Variants in KIDINS220 observed in about 807,000 individuals in gnomAD.
KIDINS220 encodes the protein kinase D interacting substrate 220, also known as kinase D-interacting substrate of 220 kDa.
Under a neutral mutation model 157.6 loss-of-function variants are expected in KIDINS220, and 63 were observed. The observed-to-expected ratio is 0.40, with a 90% CI of 0.33 to 0.49. KIDINS220 has a LOEUF of 0.49. KIDINS220 is among the 20% of genes least tolerant of loss of function. KIDINS220 has a pLI of 0.66. For missense variants in KIDINS220, 1,772 were observed against 2,171.2 expected (o/e 0.82, Z 3.65); for synonymous variants, 732 against 783.6 (o/e 0.93, Z 1.10).
chr2:8,820,085 A>G, intron 2 of KIDINS220, among the ~76,000 whole-genome samples: 1 of 152,142 alleles, frequency 6.6e-6, no homozygotes. Context: ...CTGGATAAGA[A>G]CCGACATCCT....
At chr2:8,751,290 A>C (rs1304323227) in intron 23 of KIDINS220, among the ~76,000 whole-genome samples, 176 bp downstream of exon 23, 1 of 150,608 alleles carries the variant, frequency 6.6e-6, no homozygotes. Context: ...TTTTCTTAAC[A>C]TTCTCAAAAG....
intron 5 of KIDINS220, among the ~76,000 whole-genome samples, 184 bp downstream of exon 5, chr2:8,813,053 A>G (rs1016082409): frequency 6.6e-6 from 1 of 152,234 alleles, no homozygotes; most frequent in Non-Finnish European, 1.5e-5. Flanking sequence ...GCTGACAACA[A>G]TTGAGAAATA....
In KIDINS220 at chr2:8,779,137, G is replaced by A; in HGVS notation, c.2373C>T (p.Val791=). Residue 791 remains valine (V), a splice_region_variant and synonymous_variant, in exon 19 of 30, where the codon GTC becomes GTT. Coordinates refer to ENST00000256707, the MANE Select transcript of KIDINS220 (RefSeq NM_020738.4). The part of the protein sequence containing the change: ...QDKVLQMLDT[V]RVLFSKGPFI... ...ACGGGCCTTTTGAAAACAGAACTCG[G>A]ACCTGTGGCAGAAGAAATGTACAGT... is the stretch of plus-strand genomic sequence containing the variant. 2 of 1,612,250 alleles carry A rather than the reference G, an allele frequency of 1.2e-6. No individual in the cohort carries two copies. The highest frequency in any genetic ancestry group is 8.5e-7 in the Non-Finnish European group (1 of 1,179,812).
rs761066591 is a variant in KIDINS220, at chr2:8,733,597, C to T, written c.3900G>A (p.Pro1300=). Residue 1300 remains proline (P), a synonymous_variant, in exon 29 of 30, where the codon CCG becomes CCA. Coordinates refer to ENST00000256707, the MANE Select transcript of KIDINS220 (RefSeq NM_020738.4). The part of the protein sequence containing the change: ...FLSESSSGPA[P]HGEPARRASH... ...AAGCGCGGCGAGCAGGCTCACCGTGCGGGGCTGGGCCACTGCTGCTCTCAC... is the reference window on the plus strand; with the variant it reads ...AAGCGCGGCGAGCAGGCTCACCGTGTGGGGCTGGGCCACTGCTGCTCTCAC... 5.6e-6 allele frequency: 9 copies of T among 1,613,820 alleles called. No homozygotes were observed. In the East Asian group the frequency reaches 8.9e-5, roughly 16 times the overall value.
At chr2:8,787,084 C>G (rs1232229513) in intron 15 of KIDINS220, among the ~76,000 whole-genome samples, 1 of 151,440 alleles carries the variant, frequency 6.6e-6, no homozygotes, top group Admixed American at 6.6e-5. Context: ...CTTGACGATG[C>G]TACTTTAATT....
intron 18 of KIDINS220, 75 bp downstream of exon 18, chr2:8,779,599 G>A: frequency 6.8e-7 from 1 of 1,468,260 alleles, no homozygotes; most frequent in Non-Finnish European, 9.2e-7. Context: ...TCTATTTTTA[G>A]ATATTTGTGA....
intron 22 of KIDINS220, among the ~76,000 whole-genome samples, chr2:8,760,923 G>A (rs1473849360): frequency 6.6e-6 from 1 of 152,088 alleles, no homozygotes; most frequent in African/African-American, 2.4e-5. Context: ...AGTAATTCAG[G>A]TGACAAAGCA....
intron 4 of KIDINS220, among the ~76,000 whole-genome samples, chr2:8,813,779 C>G (rs1676664290): frequency 6.6e-6 from 1 of 152,096 alleles, no homozygotes; most frequent in Non-Finnish European, 1.5e-5. Context: ...CAAAAATTAG[C>G]CAGGCATGGT....
chr2:8,781,153 A>ATATAATATATATATAT (rs70946383), intron 17 of KIDINS220, among the ~76,000 whole-genome samples: 1 of 130,410 alleles, frequency 7.7e-6, no homozygotes, highest in African/African-American at 2.8e-5. Flanking sequence ...ATATATATAT[A>ATATAATATATATATAT]ATATATATAT....
intron 11 of KIDINS220, among the ~76,000 whole-genome samples, chr2:8,796,512 T>A (rs1673946553): frequency 6.6e-6 from 1 of 152,152 alleles, no homozygotes; most frequent in Non-Finnish European, 1.5e-5. Flanking sequence ...AGCCTCCTCC[T>A]GATGTGGTAG....
chr2:8,831,129 C>G (rs887092538), intron 1 of KIDINS220, among the ~76,000 whole-genome samples: 2 of 152,228 alleles, frequency 1.3e-5, no homozygotes, highest in African/African-American at 4.8e-5. Context: ...AAGGAACTTA[C>G]GCCTTCTAAG....
At position 8,806,293 on chromosome 2, in the gene KIDINS220, G is replaced by A; in HGVS notation, c.581C>T (p.Ala194Val). Reference sequence around the variant, plus strand: ...TACAGCTCCTTCTTGATCCACATCAGCTCCCATGGCCAATAAATGTTTCAC... The same window carrying A: ...TACAGCTCCTTCTTGATCCACATCAACTCCCATGGCCAATAAATGTTTCAC... Reference protein sequence around the residue: ...ECVKHLLAMGADVDQEGANSM... With the variant: ...ECVKHLLAMGVDVDQEGANSM... The change falls in exon 7 of 30, where the codon GCT becomes GTT. Residue 194 changes from alanine (A) to valine (V), a missense_variant. Around this residue, in one of 3 missense-constraint regions of KIDINS220, gnomAD observed 254 missense variants for 268.6 expected, o/e 0.95. Coordinates refer to ENST00000256707, the MANE Select transcript of KIDINS220 (RefSeq NM_020738.4). 1 of 1,609,044 alleles carries A rather than the reference G, an allele frequency of 6.2e-7. No individual in the cohort carries two copies. Among genetic ancestry groups the A allele is most frequent in the South Asian group, 1.1e-5 (1 of 89,844 alleles).
Position 8,803,248 on chromosome 2 carries a change from T to C in KIDINS220, c.604-121A>G. 6.0e-6 allele frequency: 5 copies of C among 839,432 alleles called. No homozygotes were observed. In the South Asian group the frequency reaches 7.7e-5, roughly 13 times the overall value. The allele number at this position is 839,432 out of a possible 1,614,324, so 52.0% of individuals were successfully genotyped here. ...ATGTTTTCAAATAGGTGGCCTATTA[T>C]TGTCATTTCCAATAGTAAAATGCCA... On this transcript the variant is annotated intron_variant, in intron 7 of 29. Coordinates refer to ENST00000256707, the MANE Select transcript of KIDINS220 (RefSeq NM_020738.4).
chr2:8,756,107 C>A (rs915064556), intron 22 of KIDINS220, among the ~76,000 whole-genome samples: 11 of 152,206 alleles, frequency 7.2e-5, no homozygotes, highest in Admixed American at 7.2e-4. Context: ...TACCCATGAG[C>A]ACAGGATGTC....
At chr2:8,828,514 A>G (rs1679159782) in intron 1 of KIDINS220, among the ~76,000 whole-genome samples, 1 of 152,246 alleles carries the variant, frequency 6.6e-6, no homozygotes. Flanking sequence ...GGACATCCAA[A>G]TGCAAATAAA....
chr2:8,828,056 C>T (rs961505235), intron 1 of KIDINS220, among the ~76,000 whole-genome samples: 2 of 152,142 alleles, frequency 1.3e-5, no homozygotes, highest in African/African-American at 4.8e-5. Flanking sequence ...AAGGGCTTCT[C>T]GGGGTGCTCA....
chr2:8,778,149 C>CAATCT (rs983925450), intron 20 of KIDINS220, among the ~76,000 whole-genome samples: 4 of 152,148 alleles, frequency 2.6e-5, no homozygotes, highest in African/African-American at 9.7e-5. Context: ...CAGGGACAAC[C>CAATCT]AATGTTTTGG....
Position 8,734,767 on chromosome 2 carries a change from A to G in KIDINS220, c.3718-14T>C, listed in dbSNP as rs984352671. ...ATTTATGTTTGCCTGAGTAAAAATT[A>G]AAACAATTATGGGTATAAAGACAGA... is the stretch of plus-strand genomic sequence containing the variant. On this transcript the variant is annotated splice_polypyrimidine_tract_variant and intron_variant, in intron 27 of 29. Transcript: ENST00000256707. 16 of 1,567,714 alleles carry G rather than the reference A, an allele frequency of 1.0e-5. No homozygotes were observed. The highest frequency in any genetic ancestry group is 1.3e-5 in the Non-Finnish European group (15 of 1,141,352).
intron 26 of KIDINS220, among the ~76,000 whole-genome samples, chr2:8,743,835 C>A (rs1056997283): frequency 1.3e-5 from 2 of 152,078 alleles, no homozygotes; most frequent in African/African-American, 4.8e-5. Context: ...ATTAAGAGTT[C>A]ATTTCTAAAA....
Sources: gnomAD v4.1 joint callset for allele counts (sites outside exome capture counted in the v4.1 genomes callset) on GRCh38, gnomAD v4.1.1 for gene constraint, gnomAD v4.1.1 regional missense constraint, MANE v1.5 for transcripts, NCBI Gene and HGNC (gene_info 2026-07-23, HGNC 2026-07-21) for gene names.